The following ST18 variants were observed in gnomAD, a reference collection of about 807,000 sequenced individuals.
The protein encoded by ST18 is suppression of tumorigenicity 18 protein.
In ST18, 50 loss-of-function variants were observed where a neutral mutation model predicts 110.0. That is an observed-to-expected ratio of 0.45 (90% CI 0.36 to 0.58). ST18 has a LOEUF of 0.58. Ranked by LOEUF, ST18 falls within the 20% of genes least tolerant of loss-of-function variation. ST18 has a pLI of 0.00. For missense variants in ST18, 1,306 were observed against 1,280.1 expected, an observed-to-expected ratio of 1.02 and a Z score of -0.31; for synonymous variants, 461 against 452.4, an observed-to-expected ratio of 1.02 and a Z score of -0.24.
At chr8:52,301,396 T>C (rs545703001) in intron 2 of ST18, among the ~76,000 whole-genome samples, 43 of 152,326 alleles carry the variant, frequency 2.8e-4, no homozygotes, top group Non-Finnish European at 5.4e-4. Context: ...TCTCTAAAAG[T>C]GTAAGAATGA....
intron 2 of ST18, among the ~76,000 whole-genome samples, chr8:52,394,778 C>T (rs1427839703): frequency 6.6e-6 from 1 of 152,232 alleles, no homozygotes; most frequent in African/African-American, 2.4e-5. Flanking sequence ...TTTGTTTCTT[C>T]AACTGGAGTA....
At chr8:52,148,490 C>T (rs919419089) in intron 16 of ST18, among the ~76,000 whole-genome samples, 1 of 152,114 alleles carries the variant, frequency 6.6e-6, no homozygotes, top group Non-Finnish European at 1.5e-5. Context: ...TGTGCCTGTG[C>T]GTGCTACTCT....
intron 22 of ST18, among the ~76,000 whole-genome samples, chr8:52,128,547 G>C (rs1345738585): frequency 6.6e-6 from 1 of 152,122 alleles, no homozygotes; most frequent in East Asian, 1.9e-4. Flanking sequence ...TTAAAGCAAG[G>C]TTTGAAGGTA....
intron 8 of ST18, among the ~76,000 whole-genome samples, chr8:52,189,940 T>G (rs755715244): frequency 1.3e-5 from 2 of 152,162 alleles, no homozygotes; most frequent in Non-Finnish European, 2.9e-5. Context: ...ACAAATGAAA[T>G]CCTCTAAAAC....
chr8:52,243,019 T>G (rs928603274), intron 2 of ST18, among the ~76,000 whole-genome samples: 1 of 152,144 alleles, frequency 6.6e-6, no homozygotes, highest in Non-Finnish European at 1.5e-5. Context: ...GTATCTATGT[T>G]TATGCTCACA....
intron 2 of ST18, among the ~76,000 whole-genome samples, chr8:52,282,461 G>A (rs920058565): frequency 1.7e-4 from 26 of 152,102 alleles, no homozygotes; most frequent in African/African-American, 6.3e-4. Flanking sequence ...TGTGGGCAAC[G>A]GGGGGTTCAA....
At position 52,142,963 on chromosome 8, in the gene ST18, A is replaced by G. The variant is rs758255441; in HGVS notation, c.2135T>C (p.Leu712Pro). 2 of 1,614,096 alleles carry G rather than the reference A, an allele frequency of 1.2e-6. No individual in the cohort carries two copies. Among genetic ancestry groups the G allele is most frequent in the East Asian group, 4.5e-5 (2 of 44,876 alleles). Residue 712 changes from leucine (L) to proline (P), a missense_variant, in exon 17 of 26, where the codon CTT becomes CCT. By Grantham distance (98) the Leu-to-Pro change is moderately conservative. Coordinates refer to ENST00000689386, the MANE Select transcript of ST18 (RefSeq NM_001352837.2). ...EASIPSPKPK[L>P]HARDLKKELI... ...TTCCTTTTTGAGATCTCTTGCATGAAGCTTGGGTTTAGGGCTTGGTATAGA... is the reference window on the plus strand; with the variant it reads ...TTCCTTTTTGAGATCTCTTGCATGAGGCTTGGGTTTAGGGCTTGGTATAGA...
chr8:52,192,532 A>G (rs1177906581), intron 8 of ST18, among the ~76,000 whole-genome samples: 7 of 152,216 alleles, frequency 4.6e-5, no homozygotes, highest in African/African-American at 1.7e-4. Context: ...ATGGAGCAGG[A>G]AAATGGCCTC....
chr8:52,383,310 A>C (rs2360787), intron 2 of ST18, among the ~76,000 whole-genome samples: 115,055 of 152,146 alleles, frequency 0.76, 48,712 homozygotes, highest in Non-Finnish European at 0.94. Context: ...TCCAAGAAAA[A>C]TACATAAACA....
chr8:52,261,590 G>A lies in ST18; in HGVS notation c.-464-31513C>T, dbSNP rs1023352598. Among the ~76,000 whole-genome samples the A allele has an allele frequency of 3.9e-5, 6 of 152,162 alleles. No individual in the cohort carries two copies. The East Asian group carries it at 9.6e-4, about 24-fold the overall frequency. ...AGTCACTGACTAGTTACTGTGCTGA[G>A]AATTACTTCTCTATGCTTCCAGTTT... On this transcript the variant is annotated intron_variant, in intron 2 of 25. Coordinates refer to ENST00000689386, the MANE Select transcript of ST18 (RefSeq NM_001352837.2).
At chr8:52,292,705 T>C (rs2095574822) in intron 2 of ST18, among the ~76,000 whole-genome samples, 1 of 152,230 alleles carries the variant, frequency 6.6e-6, no homozygotes, top group African/African-American at 2.4e-5. Flanking sequence ...TGAGTTTAAT[T>C]GTTTTTTACT....
rs149123607 is a variant in ST18, at chr8:52,303,122, G to C, written c.-464-73045C>G. On this transcript the variant is annotated intron_variant, in intron 2 of 25. Coordinates refer to ENST00000689386, the MANE Select transcript of ST18 (RefSeq NM_001352837.2). ...TGCCATAACAGATTACCACAAAATT[G>C]GTGGCTTAAAATGACACAGATTTAT... 4.1e-4 allele frequency among the ~76,000 whole-genome samples: 63 copies of C among 152,266 alleles called. 1 individual carries two copies. The highest frequency in any genetic ancestry group is 6.5e-4 in the Admixed American group (10 of 15,302).
intron 3 of ST18, among the ~76,000 whole-genome samples, chr8:52,226,801 T>C (rs976374842): frequency 6.6e-6 from 1 of 152,216 alleles, no homozygotes; most frequent in Non-Finnish European, 1.5e-5. Context: ...CAAATAAAGC[T>C]TTTTATTATG....
chr8:52,334,611 G>A (rs1220279049), intron 2 of ST18, among the ~76,000 whole-genome samples: 1 of 152,124 alleles, frequency 6.6e-6, no homozygotes, highest in African/African-American at 2.4e-5. Flanking sequence ...GATAAATTAT[G>A]TTTCCAAGGA....
At chr8:52,132,732 A>C (rs1294036267) in intron 21 of ST18, among the ~76,000 whole-genome samples, 6 of 152,190 alleles carry the variant, frequency 3.9e-5, no homozygotes, top group Non-Finnish European at 5.9e-5. Context: ...ATTTCACCTT[A>C]AGCAAAATTA....
intron 7 of ST18, 113 bp from the exon 8 acceptor site, chr8:52,212,222 G>T: frequency 1.0e-6 from 1 of 971,034 alleles, no homozygotes; most frequent in Admixed American, 2.4e-5. Context: ...TTCTCACTGG[G>T]TGGGTTCATC....
At chr8:52,204,766 C>T (rs886153171) in intron 8 of ST18, among the ~76,000 whole-genome samples, 2 of 152,082 alleles carry the variant, frequency 1.3e-5, no homozygotes, top group African/African-American at 2.4e-5. Context: ...TCACATGCAG[C>T]CTGCAGTGGT....
intron 2 of ST18, among the ~76,000 whole-genome samples, chr8:52,303,489 G>A (rs994325978): frequency 2.0e-5 from 3 of 152,236 alleles, no homozygotes; most frequent in Admixed American, 1.3e-4. Flanking sequence ...CACACTCACA[G>A]GTATCAGGGT....
At chr8:52,407,140 A>C (rs1299175021) in intron 2 of ST18, 1 of 152,238 alleles carries the variant, frequency 6.6e-6, no homozygotes, top group African/African-American at 2.4e-5. Context: ...CCCTAAAACA[A>C]AATATAAATG....
Sources: allele counts gnomAD v4.1 joint callset (sites outside exome capture counted in the v4.1 genomes callset), GRCh38; gene constraint gnomAD v4.1.1; transcripts MANE v1.5; gene names NCBI Gene and HGNC (gene_info 2026-07-23, HGNC 2026-07-21).